FAM13A: variants seen among roughly 807,000 people sequenced by gnomAD.
The protein encoded by FAM13A is family with sequence similarity 13 member A, also known as protein FAM13A.
A neutral mutation model predicts 129.6 loss-of-function variants in FAM13A; 76 were observed. The ratio of observed to expected loss-of-function variants is 0.59; its 90% CI spans 0.49 to 0.71. The LOEUF (loss-of-function observed/expected upper bound fraction) is 0.71, where lower values mean the gene tolerates loss of function less well. Among genes scored for constraint, FAM13A ranks in the 30% least tolerant of loss-of-function variants. The pLI, the probability that FAM13A is intolerant of heterozygous loss-of-function variation, is 0.00. For synonymous variants in FAM13A, 443 were observed against 449.9 expected (o/e 0.98, Z 0.20); for missense variants, 1,108 against 1,249.3 (o/e 0.89, Z 1.70).
chr4:88,875,752 A>G (rs1742308315), intron 6 of FAM13A, among the ~76,000 whole-genome samples: 1 of 152,198 alleles, frequency 6.6e-6, no homozygotes, highest in African/African-American at 2.4e-5. Flanking sequence ...AAGGATCTAG[A>G]ACTAGAAATA....
chr4:89,007,415 C>T (rs564928628), intron 3 of FAM13A, among the ~76,000 whole-genome samples: 18 of 152,184 alleles, frequency 1.2e-4, no homozygotes, highest in Admixed American at 3.9e-4. Context: ...TCACCAAGAC[C>T]GAGCATTAAA....
At chr4:88,741,563 T>A (rs1394938076) in intron 19 of FAM13A, among the ~76,000 whole-genome samples, 1 of 152,208 alleles carries the variant, frequency 6.6e-6, no homozygotes, top group Non-Finnish European at 1.5e-5. Context: ...GGGTGCTGGT[T>A]ACCTGGGTGT....
intron 1 of FAM13A, among the ~76,000 whole-genome samples, chr4:89,040,554 G>A (rs10015774): frequency 2.0e-5 from 3 of 152,140 alleles, no homozygotes; most frequent in East Asian, 3.9e-4. Flanking sequence ...GCTTGGATAA[G>A]GTTGGCATCA....
At chr4:88,831,287 C>G (rs1733849786) in intron 7 of FAM13A, among the ~76,000 whole-genome samples, 1 of 152,218 alleles carries the variant, frequency 6.6e-6, no homozygotes, top group African/African-American at 2.4e-5. Context: ...CACACAACAG[C>G]TGCTACCACA....
intron 7 of FAM13A, among the ~76,000 whole-genome samples, chr4:88,838,285 C>T (rs1424813592): frequency 1.3e-5 from 2 of 152,216 alleles, no homozygotes; most frequent in East Asian, 1.9e-4. Flanking sequence ...TAATTTGTAA[C>T]AGCTTATTTT....
chr4:89,024,496 A>G (rs539072776), intron 2 of FAM13A, among the ~76,000 whole-genome samples: 4 of 152,304 alleles, frequency 2.6e-5, no homozygotes, highest in South Asian at 2.1e-4. Context: ...GTTTACCTTC[A>G]TGCCAAATTG....
intron 20 of FAM13A, among the ~76,000 whole-genome samples, chr4:88,738,577 T>C (rs945048923): frequency 6.6e-6 from 1 of 152,154 alleles, no homozygotes; most frequent in Non-Finnish European, 1.5e-5. Context: ...AGGGCCTCTC[T>C]CTCGTTTCTC....
intron 8 of FAM13A, among the ~76,000 whole-genome samples, chr4:88,804,688 C>CATATGT: frequency 1.5e-5 from 2 of 136,104 alleles, no homozygotes; most frequent in South Asian, 5.2e-4. Context: ...CTAACCTATG[C>CATATGT]ATATGTATAT....
chr4:88,916,735 C>T (rs1750183447), intron 5 of FAM13A, among the ~76,000 whole-genome samples: 1 of 152,166 alleles, frequency 6.6e-6, no homozygotes. Flanking sequence ...CACTCAAATG[C>T]TACCTAGCCT....
At chr4:88,868,694 C>G (rs1335881861) in intron 6 of FAM13A, among the ~76,000 whole-genome samples, 2 of 152,168 alleles carry the variant, frequency 1.3e-5, no homozygotes, top group African/African-American at 4.8e-5. Flanking sequence ...TTATACATGT[C>G]TATAAACATG....
intron 7 of FAM13A, among the ~76,000 whole-genome samples, chr4:88,832,038 C>T (rs1241455039): frequency 6.6e-6 from 1 of 152,038 alleles, no homozygotes; most frequent in African/African-American, 2.4e-5. Context: ...CAAAAACAGA[C>T]AAATAGACCA....
intron 8 of FAM13A, among the ~76,000 whole-genome samples, chr4:88,802,162 C>G (rs1727597228): frequency 1.3e-5 from 2 of 152,200 alleles, no homozygotes; most frequent in South Asian, 4.2e-4. Flanking sequence ...CAAGAACATT[C>G]TCCACCTTAA....
At chr4:88,821,432 T>TA (rs1377656336) in intron 7 of FAM13A, among the ~76,000 whole-genome samples, 2 of 152,220 alleles carry the variant, frequency 1.3e-5, no homozygotes, top group Admixed American at 1.3e-4. Flanking sequence ...TAATCATGAC[T>TA]AAAAATACAA....
intron 5 of FAM13A, among the ~76,000 whole-genome samples, chr4:88,920,258 CCT>C (rs1190433674): frequency 7.2e-5 from 11 of 151,948 alleles, no homozygotes; most frequent in African/African-American, 2.7e-4. Flanking sequence ...CAAGTGGACC[CCT>C]GACCCCTGAC....
At chr4:88,787,022 T>C (rs1157559946) in intron 10 of FAM13A, among the ~76,000 whole-genome samples, 2 of 152,208 alleles carry the variant, frequency 1.3e-5, no homozygotes, top group African/African-American at 4.8e-5. Context: ...CTTGGAACTT[T>C]CAGGGAAAAT....
rs1018987847 is a variant in FAM13A, at chr4:88,750,487, C to T, written c.1877G>A (p.Ser626Asn). The change falls in exon 15 of 24, where the codon AGC becomes AAC. Residue 626 changes from serine (S) to asparagine (N), a missense_variant. Ser to Asn is a conservative substitution (Grantham distance 46). This residue lies in a region of FAM13A where 529 missense variants were observed against 621.2 expected (regional missense o/e 0.85). Transcript: ENST00000264344. ...TTCTGTGTCATCCAGGTATTGCCTG[C>T]TCTGCCCATAAGCGTAGAACCGAGG... ...LSPRFYAYGQ[S>N]RQYLDDTEVP... 1 of 1,614,184 alleles carries T rather than the reference C, an allele frequency of 6.2e-7. No homozygotes were observed.
In FAM13A at chr4:88,773,405, T is replaced by C. The variant is rs181061772; in HGVS notation, c.1459-5346A>G. ...GGCTCTTCCTGCCTCTTCCCACCAA[T>C]AGAGCTCCCATCAAGGTAGCTGTGG... On this transcript the variant is annotated intron_variant, in intron 11 of 23. Coordinates refer to ENST00000264344, the MANE Select transcript of FAM13A (RefSeq NM_014883.4). Among the ~76,000 whole-genome samples the C allele has an allele frequency of 2.0e-5, 3 of 152,308 alleles. No homozygotes were observed. In the East Asian group the frequency reaches 5.8e-4, roughly 29 times the overall value.
chr4:89,029,644 A>G lies in FAM13A; in HGVS notation c.33T>C (p.Ser11=). 1.3e-6 allele frequency: 2 copies of G among 1,575,998 alleles called. No homozygotes were observed. The highest frequency in any genetic ancestry group is 1.7e-6 in the Non-Finnish European group (2 of 1,168,282). The part of the protein sequence containing the change: MGAGALAICQ[S]KAAVRLKEDM... ...CTTCTTTCAGCCGAACCGCTGCTTT[A>G]CTTTGCTTAAAGGAGCGTAAGAAAA... The change falls in exon 2 of 24, where the codon AGT becomes AGC. Residue 11 remains serine, a synonymous_variant. Transcript: ENST00000264344.
At chr4:88,774,629 G>C (rs770149905) in intron 11 of FAM13A, among the ~76,000 whole-genome samples, 26 of 152,300 alleles carry the variant, frequency 1.7e-4, no homozygotes, top group Non-Finnish European at 3.1e-4. Flanking sequence ...ACATGTTCTG[G>C]AGAGGAAAGT....
Sources: allele counts gnomAD v4.1 joint callset (sites outside exome capture counted in the v4.1 genomes callset), GRCh38; gene constraint gnomAD v4.1.1; regional missense constraint gnomAD v4.1.1; transcripts MANE v1.5; gene names NCBI Gene and HGNC (gene_info 2026-07-23, HGNC 2026-07-21).